Variants in STAG1 observed in about 807,000 individuals in gnomAD.
The protein encoded by STAG1 is STAG1 cohesin complex component.
STAG1 carries 26 observed loss-of-function variants against 170.9 expected under a neutral mutation model. The ratio of observed to expected loss-of-function variants is 0.15; its 90% CI spans 0.11 to 0.21. STAG1 has a LOEUF of 0.21. Among genes scored for constraint, STAG1 ranks in the 10% least tolerant of loss-of-function variants. The pLI, the probability that STAG1 is intolerant of heterozygous loss-of-function variation, is 1.00. For synonymous variants in STAG1, 514 were observed against 497.7 expected (o/e 1.03, Z -0.44); for missense variants, 964 against 1,509.5 (o/e 0.64, Z 5.99).
chr3:136,613,860 C>T (rs1939441690), intron 3 of STAG1, among the ~76,000 whole-genome samples: 1 of 152,206 alleles, frequency 6.6e-6, no homozygotes, highest in African/African-American at 2.4e-5. Context: ...TGGACCCAGA[C>T]TGATTCTTTA....
At chr3:136,502,146 C>G (rs951123776) in intron 8 of STAG1, among the ~76,000 whole-genome samples, 6 of 151,508 alleles carry the variant, frequency 4.0e-5, no homozygotes, top group Non-Finnish European at 7.4e-5. Context: ...CCATTGCACT[C>G]GAGCCTGGGC....
At chr3:136,431,109 G>C (rs911282722) in intron 16 of STAG1, among the ~76,000 whole-genome samples, 4 of 151,946 alleles carry the variant, frequency 2.6e-5, no homozygotes, top group African/African-American at 9.7e-5. Flanking sequence ...TCGCCATGTT[G>C]GCCAGGCTGG....
chr3:136,524,697 G>T (rs1934898057), intron 6 of STAG1, among the ~76,000 whole-genome samples: 1 of 151,862 alleles, frequency 6.6e-6, no homozygotes, highest in African/African-American at 2.4e-5. Flanking sequence ...AATGCTTTCA[G>T]TTTTTGCCCA....
rs775333952 is a variant in STAG1, at chr3:136,343,894, G to A, written c.3384C>T (p.Pro1128=). 42 of 1,609,602 alleles carry A rather than the reference G, an allele frequency of 2.6e-5. No individual in the cohort carries two copies. In the Middle Eastern group the frequency reaches 5.0e-4, roughly 19 times the overall value. ...TSTVLRENSR[P]MGDQIQEPES... ...CAGGTTCTTGAATCTGGTCTCCCAT[G>A]GGCCGACTGTTCTCCCGCAGTACAG... The change falls in exon 30 of 34, where the codon CCC becomes CCT. Residue 1128 remains proline (P), a synonymous_variant. Transcript: ENST00000383202.
rs562999832 is a variant in STAG1, at chr3:136,406,356, T to C, written c.2197-7527A>G. Among the ~76,000 whole-genome samples the C allele has an allele frequency of 5.3e-5, 8 of 152,300 alleles. No individual in the cohort carries two copies. The East Asian group carries it at 7.7e-4, about 15-fold the overall frequency. ...TGGAAATCTTAGAAAGATGAAACTA[T>C]AGTAATGAAAAACAAATCACTGATG... On this transcript the variant is annotated intron_variant, in intron 21 of 33. Coordinates refer to ENST00000383202, the MANE Select transcript of STAG1 (RefSeq NM_005862.3).
At chr3:136,519,387 A>G (rs1219261484) in intron 7 of STAG1, among the ~76,000 whole-genome samples, 3 of 152,146 alleles carry the variant, frequency 2.0e-5, no homozygotes, top group African/African-American at 4.8e-5. Flanking sequence ...TCATTTCACA[A>G]TACTATCAGC....
intron 1 of STAG1, among the ~76,000 whole-genome samples, chr3:136,665,706 G>A (rs1941739917): frequency 6.6e-6 from 1 of 151,216 alleles, no homozygotes; most frequent in Non-Finnish European, 1.5e-5. Flanking sequence ...TGTGAACCCA[G>A]GAGGCAGAGC....
At chr3:136,658,569 G>A (rs1941470993) in intron 1 of STAG1, among the ~76,000 whole-genome samples, 1 of 152,080 alleles carries the variant, frequency 6.6e-6, no homozygotes, top group Non-Finnish European at 1.5e-5. Flanking sequence ...ACCCTAAGTA[G>A]AAACAGCAGA....
chr3:136,371,070 A>C (rs1381228315), intron 23 of STAG1, among the ~76,000 whole-genome samples: 6 of 152,132 alleles, frequency 3.9e-5, no homozygotes, highest in African/African-American at 1.4e-4. Context: ...GTGAGATGGT[A>C]TCTCATTGTG....
intron 6 of STAG1, among the ~76,000 whole-genome samples, chr3:136,527,191 C>A (rs1935079435): frequency 6.6e-6 from 1 of 152,260 alleles, no homozygotes; most frequent in Non-Finnish European, 1.5e-5. Context: ...AGAGTGTTTT[C>A]CAACTTGTTT....
At chr3:136,542,685 A>C (rs1271703502) in intron 5 of STAG1, among the ~76,000 whole-genome samples, 1 of 148,262 alleles carries the variant, frequency 6.7e-6, no homozygotes, top group Non-Finnish European at 1.5e-5. Context: ...AAAAAAAAAA[A>C]GGAAAGAAAG....
chr3:136,749,801 C>A (rs1406725963), intron 1 of STAG1, among the ~76,000 whole-genome samples: 2 of 151,326 alleles, frequency 1.3e-5, no homozygotes, highest in Non-Finnish European at 2.9e-5. Flanking sequence ...GCAATCACAG[C>A]TGACACCCTG....
intron 1 of STAG1, among the ~76,000 whole-genome samples, chr3:136,745,697 G>A (rs1934901713): frequency 6.6e-6 from 1 of 152,152 alleles, no homozygotes; most frequent in African/African-American, 2.4e-5. Context: ...ACCAGTATGG[G>A]TCCACAGCCC....
intron 14 of STAG1, among the ~76,000 whole-genome samples, chr3:136,446,653 C>A (rs1015108162): frequency 2.6e-5 from 4 of 151,998 alleles, no homozygotes; most frequent in Non-Finnish European, 5.9e-5. Flanking sequence ...GAACTCCTGA[C>A]CTCAAGTGAT....
intron 13 of STAG1, among the ~76,000 whole-genome samples, chr3:136,460,518 C>T (rs2089243195): frequency 1.3e-5 from 2 of 152,256 alleles, no homozygotes; most frequent in South Asian, 4.2e-4. Flanking sequence ...AGTAGAATCG[C>T]TTGAACCCAG....
intron 1 of STAG1, among the ~76,000 whole-genome samples, chr3:136,647,405 A>C (rs1376995011): frequency 3.3e-5 from 5 of 152,120 alleles, no homozygotes. Context: ...CCCCGTCTCT[A>C]CTAAAAATAC....
At chr3:136,497,403 C>T (rs1287768848) in intron 9 of STAG1, among the ~76,000 whole-genome samples, 2 of 152,104 alleles carry the variant, frequency 1.3e-5, no homozygotes, top group East Asian at 1.9e-4. Flanking sequence ...GGGCTTTATG[C>T]GTTCATGTTA....
chr3:136,620,148 A>G (rs1432266010), intron 3 of STAG1, among the ~76,000 whole-genome samples: 1 of 152,178 alleles, frequency 6.6e-6, no homozygotes, highest in Admixed American at 6.5e-5. Flanking sequence ...AACTCCTTAT[A>G]TTATTTGTTT....
chr3:136,458,656 T>C (rs1358926871), intron 13 of STAG1, among the ~76,000 whole-genome samples: 1 of 151,778 alleles, frequency 6.6e-6, no homozygotes, highest in East Asian at 1.9e-4. Context: ...AAAATGGCAA[T>C]AGTAAACACA....
Sources: gnomAD v4.1 joint callset for allele counts (sites outside exome capture counted in the v4.1 genomes callset) on GRCh38, gnomAD v4.1.1 for gene constraint, MANE v1.5 for transcripts, NCBI Gene and HGNC (gene_info 2026-07-23, HGNC 2026-07-21) for gene names.